The following SLC14A2 variants were observed in gnomAD, a reference collection of about 807,000 sequenced individuals.
SLC14A2 encodes urea transporter 2.
Under a neutral mutation model 104.6 loss-of-function variants are expected in SLC14A2, and 91 were observed. The observed-to-expected ratio is 0.87, with a 90% CI of 0.73 to 1.04. The LOEUF (loss-of-function observed/expected upper bound fraction) is 1.04. SLC14A2 is among the 50% of genes least tolerant of loss of function. SLC14A2 has a pLI of 0.00. For missense variants in SLC14A2, 1,189 were observed against 1,156.0 expected, an observed-to-expected ratio of 1.03 and a Z score of -0.41; for synonymous variants, 476 against 466.4, an observed-to-expected ratio of 1.02 and a Z score of -0.27.
At chr18:45,347,870 G>A (rs2085465229) in intron 1 of SLC14A2, among the ~76,000 whole-genome samples, 1 of 152,160 alleles carries the variant, frequency 6.6e-6, no homozygotes, top group African/African-American at 2.4e-5. Context: ...ACACCTCTAT[G>A]TTAGCATCTT....
chr18:45,392,003 T>C (rs543198449), intron 1 of SLC14A2, among the ~76,000 whole-genome samples: 30 of 152,258 alleles, frequency 2.0e-4, no homozygotes, highest in African/African-American at 5.5e-4. Context: ...TCCTTGCCCA[T>C]GCCTATGTCC....
chr18:45,200,263 C>T, the SLC14A2 span, among the ~76,000 whole-genome samples: 446 of 152,174 alleles, frequency 2.9e-3, 3 homozygotes, highest in African/African-American at 0.01. Context: ...TTGCCTAAGC[C>T]ACAACCTAAT....
At chr18:45,184,076 G>A in the SLC14A2 span, among the ~76,000 whole-genome samples, 1 of 151,744 alleles carries the variant, frequency 6.6e-6, no homozygotes, top group Admixed American at 6.6e-5. Context: ...TCTGACTGTG[G>A]AACTATTCAT....
At chr18:45,289,618 T>C (rs72904700) in intron 1 of SLC14A2, among the ~76,000 whole-genome samples, 2,226 of 152,276 alleles carry the variant, frequency 0.015, 27 homozygotes, top group Middle Eastern at 0.054. Context: ...GAATAAAATA[T>C]ATGTCCCCAA....
chr18:45,204,026 A>G, the SLC14A2 span, among the ~76,000 whole-genome samples: 86 of 152,322 alleles, frequency 5.6e-4, no homozygotes, highest in African/African-American at 2.0e-3. Flanking sequence ...GGGGTTGGGA[A>G]TATGCATTAT....
intron 1 of SLC14A2, among the ~76,000 whole-genome samples, chr18:45,378,129 T>C (rs1489054583): frequency 6.6e-6 from 1 of 152,252 alleles, no homozygotes; most frequent in African/African-American, 2.4e-5. Context: ...TTTGAATTTA[T>C]AGTTATTTAT....
At position 45,336,210 on chromosome 18, in the gene SLC14A2, C is replaced by T. The variant is rs115348825; in HGVS notation, c.-125+123019C>T. On this transcript the variant is annotated intron_variant, in intron 1 of 20. Transcript: ENST00000586448. ...CACCTGGACACCCACTTTCTTGTTG[C>T]CTTGTTCATAAGGAAAACACTTAAA... is the stretch of plus-strand genomic sequence containing the variant. 5.0e-3 allele frequency among the ~76,000 whole-genome samples: 765 copies of T among 152,228 alleles called. 6 individuals carry two copies. The highest frequency in any genetic ancestry group is 0.018 in the African/African-American group (737 of 41,524).
intron 10 of SLC14A2, among the ~76,000 whole-genome samples, chr18:45,655,390 G>A (rs992534229): frequency 5.3e-5 from 8 of 152,222 alleles, no homozygotes; most frequent in African/African-American, 1.9e-4. Flanking sequence ...GCCCAGATGT[G>A]ATAGGTAGTG....
the SLC14A2 span, among the ~76,000 whole-genome samples, chr18:45,205,126 CTT>C: frequency 1.3e-5 from 2 of 152,302 alleles, no homozygotes; most frequent in South Asian, 4.2e-4. Flanking sequence ...TGTTGAGACT[CTT>C]TTCCCCAGCA....
chr18:45,580,913 G>C (rs1431364796), intron 2 of SLC14A2, among the ~76,000 whole-genome samples: 3 of 152,178 alleles, frequency 2.0e-5, no homozygotes, highest in Non-Finnish European at 4.4e-5. Context: ...GAGACAGATT[G>C]AAGGCAGAAG....
rs183112013 is a variant in SLC14A2, at chr18:45,243,843, T to C, written c.-125+30652T>C. ...TGTCAGAATTCCCCTGTTCTGTTAC[T>C]GTGCTCACCAAGAAGCCTTCCGGTT... On this transcript the variant is annotated intron_variant, in intron 1 of 20. Coordinates refer to the SLC14A2 transcript ENST00000586448. Among the ~76,000 whole-genome samples, 4 of 152,336 alleles carry C rather than the reference T, an allele frequency of 2.6e-5. No individual in the cohort carries two copies. In the East Asian group the frequency reaches 7.7e-4, roughly 29 times the overall value.
chr18:45,493,556 T>C (rs1000612978), intron 2 of SLC14A2, among the ~76,000 whole-genome samples: 2 of 152,188 alleles, frequency 1.3e-5, no homozygotes, highest in Non-Finnish European at 2.9e-5. Flanking sequence ...TTTGTGATAA[T>C]CCAAAGTTGC....
intron 1 of SLC14A2, among the ~76,000 whole-genome samples, chr18:45,283,760 A>G (rs1271553974): frequency 6.6e-6 from 1 of 152,116 alleles, no homozygotes; most frequent in African/African-American, 2.4e-5. Flanking sequence ...ATATAGAGAT[A>G]TGCCCCCTCG....
intron 2 of SLC14A2, among the ~76,000 whole-genome samples, chr18:45,604,843 C>T (rs959997656): frequency 2.0e-5 from 3 of 152,170 alleles, no homozygotes; most frequent in Admixed American, 6.5e-5. Context: ...CTAATCTCAT[C>T]GTGGCTGATT....
chr18:45,366,430 C>A (rs1030975477), intron 1 of SLC14A2, among the ~76,000 whole-genome samples: 12 of 152,220 alleles, frequency 7.9e-5, no homozygotes, highest in Admixed American at 3.9e-4. Flanking sequence ...CACCAGTGTT[C>A]TCATGCTGGG....
At chr18:45,285,067 C>T (rs1175765993) in intron 1 of SLC14A2, among the ~76,000 whole-genome samples, 1 of 152,012 alleles carries the variant, frequency 6.6e-6, no homozygotes, top group African/African-American at 2.4e-5. Flanking sequence ...TAGAGATTTC[C>T]CATAGTCATC....
At chr18:45,270,884 C>T (rs933800814) in intron 1 of SLC14A2, among the ~76,000 whole-genome samples, 10 of 152,108 alleles carry the variant, frequency 6.6e-5, no homozygotes, top group African/African-American at 2.4e-4. Flanking sequence ...GCTTCACTCA[C>T]CAAAACCAGC....
intron 1 of SLC14A2, among the ~76,000 whole-genome samples, chr18:45,282,495 C>T (rs1568133984): frequency 6.6e-6 from 1 of 152,174 alleles, no homozygotes; most frequent in Non-Finnish European, 1.5e-5. Context: ...CTTGTCCTTA[C>T]CTCTTATAAA....
chr18:45,238,116 C>T (rs1024696643), intron 1 of SLC14A2, among the ~76,000 whole-genome samples: 1 of 152,176 alleles, frequency 6.6e-6, no homozygotes, highest in African/African-American at 2.4e-5. Context: ...TCAGTAACTT[C>T]CTAAAAGCAA....
Sources: allele counts gnomAD v4.1 joint callset (sites outside exome capture counted in the v4.1 genomes callset), GRCh38; gene constraint gnomAD v4.1.1; transcripts MANE v1.5; gene names NCBI Gene and HGNC (gene_info 2026-07-23, HGNC 2026-07-21).